The following CHODL variants were observed in gnomAD, a reference collection of about 807,000 sequenced individuals.
CHODL encodes the protein chondrolectin, also known as transmembrane protein MT75.
A neutral mutation model predicts 34.5 loss-of-function variants in CHODL; 29 were observed. That is an observed-to-expected ratio of 0.84 (90% confidence interval 0.63 to 1.15). The LOEUF is 1.15. Ranked by LOEUF, CHODL falls within the 50% of genes most tolerant of loss-of-function variation. The pLI, the probability that CHODL is intolerant of heterozygous loss-of-function variation, is 0.00. For synonymous variants in CHODL, 125 were observed against 116.1 expected, an observed-to-expected ratio of 1.08 and a Z score of -0.49; for missense variants, 332 against 332.5, an observed-to-expected ratio of 1.00 and a Z score of 0.01.
At chr21:18,036,425 G>A (rs922782098) in intron 2 of CHODL, among the ~76,000 whole-genome samples, 11 of 152,024 alleles carry the variant, frequency 7.2e-5, no homozygotes, top group South Asian at 4.2e-4. Context: ...AGGACTGTAC[G>A]CTCTGGCACT....
At chr21:18,090,337 G>A (rs575944844) in intron 2 of CHODL, among the ~76,000 whole-genome samples, 29 of 152,272 alleles carry the variant, frequency 1.9e-4, no homozygotes, top group African/African-American at 5.8e-4. Context: ...TGCCAAGGAT[G>A]CCTATTTATA....
At chr21:18,244,300 C>A (rs2146776921), upstream of CHODL, among the ~76,000 whole-genome samples, 1 of 152,298 alleles carries the variant, frequency 6.6e-6, no homozygotes, top group South Asian at 2.1e-4. Context: ...TCAAATATTC[C>A]TTTCAATTTG....
rs543110093 is a variant in CHODL at position 18,215,297 on chromosome 21, C to T, written c.-44-41212C>T. On this transcript the variant is annotated intron_variant, in intron 2 of 6. Transcript: ENST00000400127. ...TGCAGTCCAGGTAGGGCTAGTCCTC[C>T]TACCTACAAACTTCCACCTCAGGAG... Among the ~76,000 whole-genome samples the T allele has an allele frequency of 8.7e-4, 133 of 152,190 alleles. 1 individual carries two copies. The highest frequency in any genetic ancestry group is 6.8e-3 in the Middle Eastern group (2 of 294).
rs1288561367 is a variant in CHODL at position 18,136,116 on chromosome 21, A to AAG, written c.-45+108146_-45+108147insGA. Among the ~76,000 whole-genome samples the AAG allele has an allele frequency of 1.1e-4, 15 of 141,574 alleles. 2 individuals carry two copies. Among genetic ancestry groups the AAG allele is most frequent in the Admixed American group, 3.5e-4 (5 of 14,222 alleles). The allele number at this position is 141,574 out of a possible 152,430, so 92.9% of individuals were successfully genotyped here. On this transcript the variant is annotated intron_variant, in intron 2 of 6. Transcript: ENST00000400127. The stretch of plus-strand genomic sequence containing the variant: ...GCAAGATTATGTCTCAAAAAAAAAA[A>AAG]AAGAAAAAGAAAAAAAAGAAAAAAT...
chr21:18,061,673 G>C (rs2064667661), intron 2 of CHODL, among the ~76,000 whole-genome samples: 1 of 152,094 alleles, frequency 6.6e-6, no homozygotes, highest in South Asian at 2.1e-4. Context: ...GAAAACAGAG[G>C]GAACACCAAC....
chr21:18,019,166 G>A (rs1157448886), intron 1 of CHODL, among the ~76,000 whole-genome samples: 1 of 152,176 alleles, frequency 6.6e-6, no homozygotes, highest in African/African-American at 2.4e-5. Flanking sequence ...AAAAATGCTA[G>A]TTATTATCAC....
intron 2 of CHODL, among the ~76,000 whole-genome samples, chr21:18,051,885 A>C (rs2064520713): frequency 6.6e-6 from 1 of 151,964 alleles, no homozygotes; most frequent in East Asian, 1.9e-4. Flanking sequence ...TCTTATTTTT[A>C]ATGAAAGTAA....
At chr21:18,144,294 T>C (rs920397612) in intron 2 of CHODL, among the ~76,000 whole-genome samples, 9 of 152,164 alleles carry the variant, frequency 5.9e-5, no homozygotes, top group Non-Finnish European at 1.2e-4. Flanking sequence ...TTTTTTCTGT[T>C]AGCCTCTTAG....
At chr21:18,160,440 G>C (rs2073082923) in intron 2 of CHODL, among the ~76,000 whole-genome samples, 1 of 151,910 alleles carries the variant, frequency 6.6e-6, no homozygotes, top group Non-Finnish European at 1.5e-5. Flanking sequence ...CATCACCCAG[G>C]TATTAAACCT....
chr21:17,954,621 G>T (rs2063483210), intron 1 of CHODL, among the ~76,000 whole-genome samples: 1 of 135,390 alleles, frequency 7.4e-6, no homozygotes, highest in Admixed American at 7.3e-5. Flanking sequence ...CATCAGTGCA[G>T]CTGGTCCTCA....
chr21:17,922,839 A>G lies in CHODL; in HGVS notation c.-145+5439A>G, dbSNP rs944020627. Among the ~76,000 whole-genome samples the G allele has an allele frequency of 5.3e-5, 8 of 152,330 alleles. No individual in the cohort carries two copies. In the East Asian group the frequency reaches 9.6e-4, roughly 18 times the overall value. ...CCAAGTTTGAGGACATGCAGCCGTG[A>G]CAGCCTCAGGAGTCCTGAAGACACG... On this transcript the variant is annotated intron_variant, in intron 1 of 6. Coordinates refer to the CHODL transcript ENST00000400127.
At chr21:17,944,369 G>T (rs995977531) in intron 1 of CHODL, among the ~76,000 whole-genome samples, 3 of 152,128 alleles carry the variant, frequency 2.0e-5, no homozygotes, top group Admixed American at 6.5e-5. Flanking sequence ...TCCTGCCCAG[G>T]TAGAAAGATT....
chr21:17,977,931 A>AAAAAAAAAG (rs1186256012), intron 1 of CHODL, among the ~76,000 whole-genome samples: 2 of 150,578 alleles, frequency 1.3e-5, no homozygotes, highest in East Asian at 3.9e-4. Flanking sequence ...AAAAAAAAAA[A>AAAAAAAAAG]AAAGAAAAAG....
intron 1 of CHODL, among the ~76,000 whole-genome samples, chr21:17,932,372 A>G (rs1473504886): frequency 6.6e-6 from 1 of 152,220 alleles, no homozygotes; most frequent in Non-Finnish European, 1.5e-5. Context: ...GTAAATTAGT[A>G]CAACCTCTGT....
rs943251120 is a variant in CHODL, at chr21:18,267,332, C to T, written c.*1294C>T. The T allele has an allele frequency of 6.6e-6, 1 of 152,154 alleles. No individual in the cohort carries two copies. Among genetic ancestry groups the T allele is most frequent in the Non-Finnish European group, 1.5e-5 (1 of 68,022 alleles). The allele number at this position is 152,154 out of a possible 1,614,324, so 9.4% of individuals were successfully genotyped here. ...TCTCTGGTCTTCATATGTCCCTGTG[C>T]TCCTTTTAACCAAATAAAGAGTTCT... On this transcript the variant is annotated 3_prime_UTR_variant, in exon 6 of 6. Transcript: ENST00000299295.
At chr21:17,992,977 T>C (rs2063812788) in intron 1 of CHODL, among the ~76,000 whole-genome samples, 1 of 152,104 alleles carries the variant, frequency 6.6e-6, no homozygotes, top group Non-Finnish European at 1.5e-5. Flanking sequence ...GTATATAAAA[T>C]CATGTCATCT....
At chr21:18,020,940 C>T (rs2064122426) in intron 1 of CHODL, among the ~76,000 whole-genome samples, 1 of 152,096 alleles carries the variant, frequency 6.6e-6, no homozygotes, top group South Asian at 2.1e-4. Context: ...CCCCTTCTCT[C>T]TATATTTATA....
chr21:17,925,069 C>T (rs1424761168), intron 1 of CHODL, among the ~76,000 whole-genome samples: 3 of 152,182 alleles, frequency 2.0e-5, no homozygotes, highest in Admixed American at 6.5e-5. Context: ...CATTAGTGAG[C>T]AATCTGGGCA....
chr21:18,161,738 C>T (rs923666911), intron 2 of CHODL, among the ~76,000 whole-genome samples: 7 of 152,158 alleles, frequency 4.6e-5, no homozygotes, highest in African/African-American at 1.2e-4. Flanking sequence ...CCTCCCTACA[C>T]CCCAGCACAG....
Sources: allele counts gnomAD v4.1 joint callset (sites outside exome capture counted in the v4.1 genomes callset), GRCh38; gene constraint gnomAD v4.1.1; transcripts MANE v1.5; gene names NCBI Gene and HGNC (gene_info 2026-07-23, HGNC 2026-07-21).